MBD5: variants seen among roughly 807,000 people sequenced by gnomAD.
MBD5 encodes methyl-CpG binding domain protein 5.
In MBD5, 13 loss-of-function variants were observed where a neutral mutation model predicts 117.3. The ratio of observed to expected loss-of-function variants is 0.11; its 90% confidence interval spans 0.07 to 0.18. The LOEUF (loss-of-function observed/expected upper bound fraction) is 0.18. Among genes scored for constraint, MBD5 ranks in the 10% least tolerant of loss-of-function variants. MBD5 has a pLI of 1.00. For missense variants in MBD5, 1,879 were observed against 2,093.8 expected, an observed-to-expected ratio of 0.90 and a Z score of 2.00; for synonymous variants, 727 against 766.4, an observed-to-expected ratio of 0.95 and a Z score of 0.85.
intron 4 of MBD5, among the ~76,000 whole-genome samples, chr2:148,360,467 T>C (rs1009485502): frequency 6.6e-6 from 1 of 152,230 alleles, no homozygotes. Flanking sequence ...TTGGTTTACA[T>C]AATAGATGAG....
In MBD5 at chr2:148,087,152, C is replaced by G. The variant is rs1695816631; in HGVS notation, c.-925+65468C>G. ...CCACCACAGGAGTATACCAGAAAAA[C>G]TGAAAGAAATCACCAATCCTTTGAA... On this transcript the variant is annotated intron_variant, in intron 1 of 13. Coordinates refer to ENST00000642680, the MANE Select transcript of MBD5 (RefSeq NM_001378120.1). 2.6e-5 allele frequency among the ~76,000 whole-genome samples: 4 copies of G among 152,154 alleles called. No individual in the cohort carries two copies. In the South Asian group the frequency reaches 8.3e-4, roughly 31 times the overall value.
At chr2:148,468,250 T>C in intron 7 of MBD5, 91 bp from the exon 8 acceptor site, 2 of 1,060,662 alleles carry the variant, frequency 1.9e-6, no homozygotes, top group South Asian at 1.3e-5. Flanking sequence ...ATCCTCCCTC[T>C]CCCTTCCTGA....
intron 1 of MBD5, among the ~76,000 whole-genome samples, chr2:148,173,187 C>T (rs1380929401): frequency 6.6e-6 from 1 of 152,210 alleles, no homozygotes; most frequent in African/African-American, 2.4e-5. Flanking sequence ...CTTCTGGGAG[C>T]CCAAACCAGG....
intron 3 of MBD5, among the ~76,000 whole-genome samples, chr2:148,237,145 A>G (rs1700108180): frequency 6.6e-6 from 1 of 152,214 alleles, no homozygotes; most frequent in Non-Finnish European, 1.5e-5. Context: ...TTGATCTTCT[A>G]TCCATGCCAC....
At chr2:148,315,331 A>G (rs1011575527) in intron 3 of MBD5, among the ~76,000 whole-genome samples, 1 of 152,214 alleles carries the variant, frequency 6.6e-6, no homozygotes, top group Non-Finnish European at 1.5e-5. Flanking sequence ...CACAAGCTCA[A>G]TATTTCCTTG....
At chr2:148,092,813 T>A (rs150799094) in intron 1 of MBD5, among the ~76,000 whole-genome samples, 1 of 149,244 alleles carries the variant, frequency 6.7e-6, no homozygotes. Context: ...CTTTTGAAAT[T>A]AAAAAAAAAA....
Position 148,323,986 on chromosome 2 carries a change from T to G in MBD5, c.-679-18228T>G, listed in dbSNP as rs1702370757. Among the ~76,000 whole-genome samples, 4 of 152,348 alleles carry G rather than the reference T, an allele frequency of 2.6e-5. No individual in the cohort carries two copies. In the South Asian group the frequency reaches 8.3e-4, roughly 32 times the overall value. On this transcript the variant is annotated intron_variant, in intron 3 of 13. Coordinates refer to ENST00000642680, the MANE Select transcript of MBD5 (RefSeq NM_001378120.1). ...TTTTTATGGTTTTAGGTCTAACGTT[T>G]AAGTCTTTAATCCATCTTGAATTGA...
rs190812110 is a variant in MBD5 at position 148,122,351 on chromosome 2, A to C, written c.-924-56349A>C. On this transcript the variant is annotated intron_variant, in intron 1 of 13. Coordinates refer to ENST00000642680, the MANE Select transcript of MBD5 (RefSeq NM_001378120.1). ...TAGAGATTTGTGGAAGTATTTTGGT[A>C]GAAAAGAGATTGCCTTAATTAAAAG... Among the ~76,000 whole-genome samples, 13 of 152,340 alleles carry C rather than the reference A, an allele frequency of 8.5e-5. No homozygotes were observed. The East Asian group carries it at 1.3e-3, about 16-fold the overall frequency.
intron 1 of MBD5, among the ~76,000 whole-genome samples, chr2:148,141,484 A>G (rs982581382): frequency 1.3e-5 from 2 of 152,232 alleles, no homozygotes; most frequent in South Asian, 2.1e-4. Context: ...AGCATTTACC[A>G]TGAAACAAAA....
intron 1 of MBD5, among the ~76,000 whole-genome samples, chr2:148,077,668 C>T (rs1465276461): frequency 6.6e-6 from 1 of 152,088 alleles, no homozygotes; most frequent in Non-Finnish European, 1.5e-5. Context: ...GTAAGAATCA[C>T]TCATGGTACT....
chr2:148,105,762 A>G (rs1032169880), intron 1 of MBD5, among the ~76,000 whole-genome samples: 74 of 152,042 alleles, frequency 4.9e-4, no homozygotes, highest in African/African-American at 1.7e-3. Flanking sequence ...ATTCTATTCA[A>G]TTCTCCGATT....
At chr2:148,345,456 TATACATATGTATATACACATAC>T in intron 4 of MBD5, among the ~76,000 whole-genome samples, 1 of 47,228 alleles carries the variant, frequency 2.1e-5, no homozygotes, top group East Asian at 4.5e-4. Flanking sequence ...CACATACACA[TATACATATGTATATACACATAC>T]ATATACATAT....
chr2:148,044,140 A>G (rs907665017), intron 1 of MBD5, among the ~76,000 whole-genome samples: 9 of 152,248 alleles, frequency 5.9e-5, no homozygotes, highest in Admixed American at 2.0e-4. Flanking sequence ...ATGTAAATCA[A>G]TGCTTTTAAG....
intron 1 of MBD5, chr2:148,072,005 G>A (rs1199463619): frequency 6.6e-6 from 1 of 152,148 alleles, no homozygotes; most frequent in African/African-American, 2.4e-5. Context: ...AGTCTTGCAT[G>A]TTCAGACATT....
At chr2:148,280,146 AAAAAC>A (rs1325119267) in intron 3 of MBD5, among the ~76,000 whole-genome samples, 16 of 150,524 alleles carry the variant, frequency 1.1e-4, no homozygotes, top group East Asian at 3.9e-4. Flanking sequence ...AAAAAAAAAA[AAAAAC>A]AAAAAGAAAA....
At chr2:148,259,220 G>T (rs540315872) in intron 3 of MBD5, among the ~76,000 whole-genome samples, 1 of 152,258 alleles carries the variant, frequency 6.6e-6, no homozygotes, top group Admixed American at 6.5e-5. Flanking sequence ...CCTTGCCCTT[G>T]TGCCAACTGC....
intron 3 of MBD5, among the ~76,000 whole-genome samples, chr2:148,299,047 C>G (rs766106395): frequency 2.0e-5 from 3 of 152,138 alleles, no homozygotes; most frequent in Non-Finnish European, 4.4e-5. Flanking sequence ...CTAGGCCAAG[C>G]CAGGCCCTTT....
intron 3 of MBD5, among the ~76,000 whole-genome samples, chr2:148,291,686 A>G (rs945285217): frequency 1.3e-5 from 2 of 152,188 alleles, no homozygotes; most frequent in Non-Finnish European, 2.9e-5. Flanking sequence ...CAAAATACCA[A>G]TGACATCCTT....
At chr2:148,448,117 T>C (rs1339185578) in intron 4 of MBD5, among the ~76,000 whole-genome samples, 1 of 152,126 alleles carries the variant, frequency 6.6e-6, no homozygotes, top group Non-Finnish European at 1.5e-5. Flanking sequence ...CTTGAGATAC[T>C]TTTCATATGA....
Sources: allele counts gnomAD v4.1 joint callset (sites outside exome capture counted in the v4.1 genomes callset), GRCh38; gene constraint gnomAD v4.1.1; transcripts MANE v1.5; gene names NCBI Gene and HGNC (gene_info 2026-07-23, HGNC 2026-07-21).